Variants in SND1 observed in about 807,000 individuals in gnomAD.
SND1 encodes staphylococcal nuclease domain-containing protein 1.
In SND1, 38 loss-of-function variants were observed where a neutral mutation model predicts 121.7. The observed-to-expected ratio is 0.31, with a 90% confidence interval of 0.24 to 0.41. The LOEUF (loss-of-function observed/expected upper bound fraction) is 0.41. Among genes scored for constraint, SND1 ranks in the 10% least tolerant of loss-of-function variants. SND1 has a pLI of 1.00. For synonymous variants in SND1, 401 were observed against 447.4 expected (o/e 0.90, Z 1.31); for missense variants, 868 against 1,184.6 (o/e 0.73, Z 3.92).
chr7:127,764,937 C>T (rs1324492891), intron 10 of SND1, among the ~76,000 whole-genome samples: 1 of 152,144 alleles, frequency 6.6e-6, no homozygotes, highest in East Asian at 1.9e-4. Flanking sequence ...TCGGGCGGAA[C>T]TATTGCAGAT....
intron 12 of SND1, among the ~76,000 whole-genome samples, chr7:127,856,772 T>C (rs1799281935): frequency 6.6e-6 from 1 of 152,200 alleles, no homozygotes; most frequent in South Asian, 2.1e-4. Context: ...ATATTACAGT[T>C]CTCATACCAT....
intron 12 of SND1, among the ~76,000 whole-genome samples, chr7:127,847,813 C>T (rs1799094672): frequency 6.6e-6 from 1 of 152,232 alleles, no homozygotes; most frequent in South Asian, 2.1e-4. Flanking sequence ...GTGAGGTCAA[C>T]TGGCAAGGAG....
intron 3 of SND1, among the ~76,000 whole-genome samples, chr7:127,697,818 G>A (rs1036916317): frequency 3.9e-5 from 6 of 152,172 alleles, no homozygotes; most frequent in African/African-American, 1.2e-4. Context: ...GCTTGCAGAG[G>A]TCGATGTGTA....
chr7:128,039,956 A>G lies in SND1; in HGVS notation c.1780-34546A>G, dbSNP rs950132850. On this transcript the variant is annotated intron_variant, in intron 16 of 23. Transcript: ENST00000354725. Reference sequence around the variant, plus strand: ...AAATATCCCACTGAGTGCCAGAGCTATAGCACAGTCGGCGGGTACCTGCTG... The same window carrying G: ...AAATATCCCACTGAGTGCCAGAGCTGTAGCACAGTCGGCGGGTACCTGCTG... 5.3e-5 allele frequency among the ~76,000 whole-genome samples: 8 copies of G among 152,330 alleles called. No individual in the cohort carries two copies. The South Asian group carries it at 1.0e-3, about 20-fold the overall frequency.
chr7:127,729,290 A>T (rs1188741113), intron 10 of SND1, among the ~76,000 whole-genome samples: 2 of 151,880 alleles, frequency 1.3e-5, no homozygotes, highest in African/African-American at 2.4e-5. Context: ...ATATATATAT[A>T]TTTTACTGTT....
intron 15 of SND1, among the ~76,000 whole-genome samples, chr7:127,986,788 G>C (rs933686040): frequency 6.6e-6 from 1 of 152,246 alleles, no homozygotes; most frequent in East Asian, 1.9e-4. Flanking sequence ...TGCCTCTCCT[G>C]TGCCTGCCCT....
chr7:127,679,583 TTCCCCACTC>T (rs1795676130), intron 1 of SND1, among the ~76,000 whole-genome samples: 1 of 152,212 alleles, frequency 6.6e-6, no homozygotes, highest in Non-Finnish European at 1.5e-5. Context: ...CATTAGTATA[TTCCCCACTC>T]TCCCCTTCTG....
rs182857993 is a variant in SND1, at chr7:128,057,367, G to T, written c.1780-17135G>T. Among the ~76,000 whole-genome samples, 11 of 152,270 alleles carry T rather than the reference G, an allele frequency of 7.2e-5. No homozygotes were observed. The East Asian group carries it at 1.9e-3, about 27-fold the overall frequency. ...ATGCAGCAGTTAGGAATAGCATTTCGTCGCTGGTAATATAGACCAAAAACA... is the reference window on the plus strand; with the variant it reads ...ATGCAGCAGTTAGGAATAGCATTTCTTCGCTGGTAATATAGACCAAAAACA... On this transcript the variant is annotated intron_variant, in intron 16 of 23. Coordinates refer to ENST00000354725, the MANE Select transcript of SND1 (RefSeq NM_014390.4).
At position 127,778,178 on chromosome 7, in the gene SND1, CTTAT is replaced by C. The variant is rs143038031; in HGVS notation, c.1153-29275_1153-29272del. On this transcript the variant is annotated intron_variant, in intron 10 of 23. Coordinates refer to ENST00000354725, the MANE Select transcript of SND1 (RefSeq NM_014390.4). ...CCTTGCCAGTCCCATTTATTTGTGT[CTTAT>C]TTATTTATTTATTTATTTATTTATT... Among the ~76,000 whole-genome samples, 551 of 146,872 alleles carry C rather than the reference CTTAT, an allele frequency of 3.8e-3. 3 individuals carry two copies. Among genetic ancestry groups the C allele is most frequent in the Non-Finnish European group, 5.7e-3 (382 of 66,752 alleles).
chr7:127,821,284 C>T (rs1393888751), intron 11 of SND1, among the ~76,000 whole-genome samples: 4 of 152,096 alleles, frequency 2.6e-5, no homozygotes, highest in Non-Finnish European at 5.9e-5. Context: ...CTGATGCTGC[C>T]CCAGGCACAA....
intron 9 of SND1, among the ~76,000 whole-genome samples, chr7:127,714,686 T>G (rs1463531890): frequency 6.6e-6 from 1 of 152,206 alleles, no homozygotes; most frequent in Non-Finnish European, 1.5e-5. Context: ...ACCACAATTC[T>G]ACTTTTTGCT....
chr7:128,060,691 G>A (rs1793216065), intron 16 of SND1, among the ~76,000 whole-genome samples: 1 of 152,220 alleles, frequency 6.6e-6, no homozygotes, highest in Non-Finnish European at 1.5e-5. Flanking sequence ...GAGGGGTGGG[G>A]TGGTAGTGGC....
At chr7:127,909,336 C>T (rs995414824) in intron 14 of SND1, among the ~76,000 whole-genome samples, 2 of 152,128 alleles carry the variant, frequency 1.3e-5, no homozygotes, top group Non-Finnish European at 2.9e-5. Flanking sequence ...TGCTGCTGTG[C>T]TCCTTTGGAC....
intron 16 of SND1, among the ~76,000 whole-genome samples, chr7:127,992,764 A>G (rs1470330453): frequency 2.0e-5 from 3 of 152,336 alleles, no homozygotes; most frequent in East Asian, 3.9e-4. Context: ...GATGAGATCC[A>G]AAAGTACAAG....
At chr7:127,691,283 C>A (rs1280247351) in intron 2 of SND1, among the ~76,000 whole-genome samples, 1 of 152,104 alleles carries the variant, frequency 6.6e-6, no homozygotes. Flanking sequence ...TGGCTTATGC[C>A]TGTAATGCCA....
Position 127,880,342 on chromosome 7 carries a change from A to G in SND1, c.1344-7560A>G, listed in dbSNP as rs937141185. On this transcript the variant is annotated intron_variant, in intron 12 of 23. Coordinates refer to ENST00000354725, the MANE Select transcript of SND1 (RefSeq NM_014390.4). ...TATAGGTATGTATATATAGGAAAAA[A>G]TACAGAGTTCAGTACTATGTGCAAT... 4.6e-5 allele frequency among the ~76,000 whole-genome samples: 7 copies of G among 152,320 alleles called. No homozygotes were observed. The East Asian group carries it at 7.7e-4, about 17-fold the overall frequency.
chr7:128,067,079 C>T (rs1450370886), intron 16 of SND1, among the ~76,000 whole-genome samples: 1 of 152,192 alleles, frequency 6.6e-6, no homozygotes, highest in Non-Finnish European at 1.5e-5. Flanking sequence ...TTTCATCTCT[C>T]CTGTTGGCTT....
intron 12 of SND1, among the ~76,000 whole-genome samples, chr7:127,873,020 T>C (rs142961598): frequency 4.1e-4 from 63 of 152,292 alleles, no homozygotes; most frequent in African/African-American, 9.1e-4. Flanking sequence ...AAACCAGAGA[T>C]TGATATGTTC....
chr7:128,049,482 C>CTTCCT (rs1053951439), intron 16 of SND1, among the ~76,000 whole-genome samples: 2 of 152,188 alleles, frequency 1.3e-5, no homozygotes, highest in African/African-American at 4.8e-5. Context: ...AGTTCCCCCT[C>CTTCCT]TTCCTTTCCT....
Sources: gnomAD v4.1 joint callset for allele counts (sites outside exome capture counted in the v4.1 genomes callset) on GRCh38, gnomAD v4.1.1 for gene constraint, MANE v1.5 for transcripts, NCBI Gene and HGNC (gene_info 2026-07-23, HGNC 2026-07-21) for gene names.